Variants in CEP192 observed in about 807,000 individuals in gnomAD.
CEP192 encodes the protein centrosomal protein 192.
CEP192 carries 151 observed loss-of-function variants against 271.8 expected under a neutral mutation model. That is an observed-to-expected ratio of 0.56 (90% CI 0.49 to 0.64). CEP192 has a LOEUF of 0.64. Ranked by LOEUF, CEP192 falls within the 30% of genes least tolerant of loss-of-function variation. CEP192 has a pLI of 0.00. For missense variants in CEP192, 2,910 were observed against 3,020.5 expected (o/e 0.96, Z 0.86); for synonymous variants, 995 against 1,076.5 (o/e 0.92, Z 1.48).
intron 32 of CEP192, 39 bp from the exon 33 acceptor site, chr18:13,089,417 C>T (rs751393742): frequency 3.0e-5 from 29 of 970,644 alleles, no homozygotes; most frequent in Admixed American, 1.0e-4. Flanking sequence ...TTATATATAA[C>T]GTCACTTTTA....
chr18:13,074,957 A>G (rs1173369821), intron 30 of CEP192, among the ~76,000 whole-genome samples: 1 of 152,250 alleles, frequency 6.6e-6, no homozygotes, highest in African/African-American at 2.4e-5. Context: ...TAGGACTGCA[A>G]TAAAAATGTA....
At chr18:13,045,728 A>G (rs2036439169) in intron 15 of CEP192, among the ~76,000 whole-genome samples, 1 of 152,222 alleles carries the variant, frequency 6.6e-6, no homozygotes, top group African/African-American at 2.4e-5. Context: ...GTTGCATTAA[A>G]TTCTTCATAA....
chr18:13,120,125 G>C (rs2040597728), intron 44 of CEP192, among the ~76,000 whole-genome samples: 1 of 152,030 alleles, frequency 6.6e-6, no homozygotes, highest in Non-Finnish European at 1.5e-5. Context: ...ATTCAGATTT[G>C]ACTCTTTCCA....
At chr18:13,060,161 G>A (rs914232320) in intron 21 of CEP192, among the ~76,000 whole-genome samples, 5 of 152,166 alleles carry the variant, frequency 3.3e-5, no homozygotes, top group Non-Finnish European at 5.9e-5. Context: ...CACAAACCTA[G>A]ATGGCACAGC....
chr18:13,018,772 T>C (rs967854013), intron 8 of CEP192, among the ~76,000 whole-genome samples, 157 bp downstream of exon 8: 1 of 152,230 alleles, frequency 6.6e-6, no homozygotes, highest in African/African-American at 2.4e-5. Context: ...GAGCTTTTAA[T>C]AATAGCTGAG....
intron 42 of CEP192, among the ~76,000 whole-genome samples, 191 bp downstream of exon 42, chr18:13,114,442 T>C (rs547479): frequency 0.021 from 3,201 of 152,338 alleles, 122 homozygotes; most frequent in African/African-American, 0.073. Flanking sequence ...TGTTCTGATT[T>C]CTGTCATCAT....
rs536294286 is a variant in CEP192, at chr18:13,015,028, G to A, written c.520-300G>A. On this transcript the variant is annotated intron_variant, in intron 5 of 44. Coordinates refer to ENST00000506447, the MANE Select transcript of CEP192 (RefSeq NM_032142.4). ...TTCTCGTAAGCCTTGTGTTGCTCAA[G>A]TTCAGTTATGTATTTGTGTACTTAC... Among the ~76,000 whole-genome samples the A allele has an allele frequency of 4.6e-5, 7 of 152,264 alleles. No individual in the cohort carries two copies. In the East Asian group the frequency reaches 1.4e-3, roughly 29 times the overall value.
At position 13,071,170 on chromosome 18, in the gene CEP192, A is replaced by G. The variant is rs765472730; in HGVS notation, c.5306A>G (p.Lys1769Arg). ...GATATTCCATCGATTTTGTCCAACA[A>G]ACAATTTCTGGCTTGGGGAGGAGTC... ...CLDIPSILSN[K>R]QFLAWGGVPL... The change falls in exon 28 of 45, where the codon AAA becomes AGA. Residue 1769 changes from lysine (K) to arginine (R), a missense_variant. By Grantham distance (26) the Lys-to-Arg change is conservative. Coordinates refer to ENST00000506447, the MANE Select transcript of CEP192 (RefSeq NM_032142.4). 6.2e-7 allele frequency: 1 copy of G among 1,614,170 alleles called. No homozygotes were observed. The highest frequency in any genetic ancestry group is 8.5e-7 in the Non-Finnish European group (1 of 1,180,030).
At chr18:13,063,523 A>T (rs1030168390) in intron 21 of CEP192, among the ~76,000 whole-genome samples, 4 of 152,184 alleles carry the variant, frequency 2.6e-5, no homozygotes, top group Non-Finnish European at 5.9e-5. Flanking sequence ...TTCCTTTGAG[A>T]AATGTCTATT....
chr18:13,014,966 A>G (rs915108516), intron 5 of CEP192, among the ~76,000 whole-genome samples: 14 of 152,190 alleles, frequency 9.2e-5, no homozygotes, highest in African/African-American at 3.1e-4. Flanking sequence ...TTCCTTAGAT[A>G]CAGGCTGCCT....
At chr18:13,019,561 T>A (rs560279928) in intron 9 of CEP192, among the ~76,000 whole-genome samples, 65 of 152,310 alleles carry the variant, frequency 4.3e-4, no homozygotes, top group African/African-American at 1.5e-3. Flanking sequence ...GTTTCTCCTG[T>A]GCCTGAAGCT....
At chr18:13,080,819 C>G (rs975437902) in intron 30 of CEP192, among the ~76,000 whole-genome samples, 3 of 152,082 alleles carry the variant, frequency 2.0e-5, no homozygotes, top group African/African-American at 7.2e-5. Context: ...TCCATCAATA[C>G]CTAGTTTATT....
Position 13,116,384 on chromosome 18 carries a change from G to A in CEP192, c.7297G>A (p.Asp2433Asn). 3 of 1,612,110 alleles carry A rather than the reference G, an allele frequency of 1.9e-6. No homozygotes were observed. The highest frequency in any genetic ancestry group is 2.5e-6 in the Non-Finnish European group (3 of 1,179,494). ...CACCTATTCCCAAAGCAGGCAGCTT[G>A]ATGTGACTGCTCGTGGAGTTTATGC... ...EASARIPEQL[D>N]VTARGVYAPE... The change falls in exon 43 of 45, where the codon GAT becomes AAT. Residue 2433 changes from aspartate (D) to asparagine (N), a missense_variant. Coordinates refer to ENST00000506447, the MANE Select transcript of CEP192 (RefSeq NM_032142.4).
chr18:13,094,573 G>A (rs1399057289), intron 34 of CEP192, among the ~76,000 whole-genome samples: 2 of 152,204 alleles, frequency 1.3e-5, no homozygotes, highest in Middle Eastern at 3.4e-3. Flanking sequence ...TAGGCTCATC[G>A]TATACTTTCC....
At chr18:13,124,340 G>A (rs1334674097) in intron 44 of CEP192, 1 of 247,008 alleles carries the variant, frequency 4.0e-6, no homozygotes, top group Non-Finnish European at 7.8e-6. Flanking sequence ...AGTATACAAA[G>A]CTGTATGTAT....
chr18:13,051,833 G>A lies in CEP192; in HGVS notation c.3018-1086G>A, dbSNP rs1027437485. Reference sequence around the variant, plus strand: ...GCTGGGATTACAGGCGTGAGCCAACGCACCCAGCCAATTTGGGACTTTTTA... The same window carrying A: ...GCTGGGATTACAGGCGTGAGCCAACACACCCAGCCAATTTGGGACTTTTTA... On this transcript the variant is annotated intron_variant, in intron 17 of 44. Transcript: ENST00000506447. Among the ~76,000 whole-genome samples the A allele has an allele frequency of 1.3e-4, 20 of 152,186 alleles. 1 individual carries two copies. Among genetic ancestry groups the A allele is most frequent in the African/African-American group, 4.1e-4 (17 of 41,446 alleles).
intron 36 of CEP192, among the ~76,000 whole-genome samples, chr18:13,097,705 A>G (rs1233505097): frequency 3.5e-5 from 5 of 142,652 alleles, no homozygotes; most frequent in African/African-American, 1.1e-4. Context: ...GGGATTTGGC[A>G]GGGTCATAGG....
At chr18:13,048,543 G>A (rs1333901963) in intron 15 of CEP192, among the ~76,000 whole-genome samples, 1 of 152,182 alleles carries the variant, frequency 6.6e-6, no homozygotes, top group Non-Finnish European at 1.5e-5. Flanking sequence ...TCTGAGGTCT[G>A]TGGTAAGAAT....
intron 5 of CEP192, 47 bp from the exon 6 acceptor site, chr18:13,015,281 C>A: frequency 6.5e-7 from 1 of 1,535,778 alleles, no homozygotes; most frequent in African/African-American, 1.4e-5. Flanking sequence ...CTATGCTCTT[C>A]AGAGCCCTGA....
Sources: allele counts gnomAD v4.1 joint callset (sites outside exome capture counted in the v4.1 genomes callset), GRCh38; gene constraint gnomAD v4.1.1; transcripts MANE v1.5; gene names NCBI Gene and HGNC (gene_info 2026-07-23, HGNC 2026-07-21).